The following PRKCE variants were observed in gnomAD, a reference collection of about 807,000 sequenced individuals.
PRKCE encodes the protein protein kinase C epsilon.
A neutral mutation model predicts 85.4 loss-of-function variants in PRKCE; 16 were observed. The observed-to-expected ratio is 0.19, with a 90% CI of 0.13 to 0.28. PRKCE has a LOEUF of 0.28. PRKCE is among the 10% of genes least tolerant of loss of function. PRKCE has a pLI of 1.00. For synonymous variants in PRKCE, 388 were observed against 371.5 expected (o/e 1.04, Z -0.51); for missense variants, 573 against 975.2 (o/e 0.59, Z 5.49).
intron 1 of PRKCE, among the ~76,000 whole-genome samples, chr2:45,734,497 G>T (rs1301824184): frequency 2.0e-5 from 3 of 152,242 alleles, no homozygotes; most frequent in Non-Finnish European, 4.4e-5. Context: ...TGCGTTAAGT[G>T]GTGTGAGCAT....
chr2:45,814,289 C>T (rs925701969), intron 1 of PRKCE, among the ~76,000 whole-genome samples: 1 of 152,188 alleles, frequency 6.6e-6, no homozygotes, highest in African/African-American at 2.4e-5. Context: ...TGATAAGGAG[C>T]CATTTTCCTA....
intron 1 of PRKCE, among the ~76,000 whole-genome samples, chr2:45,772,883 G>A (rs1160649495): frequency 6.6e-6 from 1 of 152,094 alleles, no homozygotes; most frequent in African/African-American, 2.4e-5. Flanking sequence ...TGCTGTACCC[G>A]TGACACCCTA....
chr2:45,766,520 G>A (rs1434751817), intron 1 of PRKCE, among the ~76,000 whole-genome samples: 1 of 152,202 alleles, frequency 6.6e-6, no homozygotes, highest in Non-Finnish European at 1.5e-5. Flanking sequence ...CGGAGACAGA[G>A]AGAGATAGTT....
chr2:46,096,380 G>C (rs1186133286), intron 11 of PRKCE, among the ~76,000 whole-genome samples: 3 of 152,182 alleles, frequency 2.0e-5, no homozygotes, highest in Non-Finnish European at 4.4e-5. Context: ...AAAGTGAATG[G>C]ACTGAATCAT....
intron 2 of PRKCE, among the ~76,000 whole-genome samples, chr2:45,854,931 G>A (rs1692558506): frequency 6.6e-6 from 1 of 152,188 alleles, no homozygotes; most frequent in South Asian, 2.1e-4. Flanking sequence ...TTTAATGTAT[G>A]GAAAAAGTCT....
At chr2:45,953,461 G>T (rs1286112081) in intron 2 of PRKCE, among the ~76,000 whole-genome samples, 1 of 152,052 alleles carries the variant, frequency 6.6e-6, no homozygotes, top group South Asian at 2.1e-4. Context: ...TCCCTGAACA[G>T]CCAGCTACCG....
At chr2:45,657,433 G>C (rs752591893) in intron 1 of PRKCE, among the ~76,000 whole-genome samples, 72 of 152,092 alleles carry the variant, frequency 4.7e-4, no homozygotes, top group Admixed American at 3.3e-4. Flanking sequence ...GTTTACTGTG[G>C]GGATTAAAAT....
chr2:46,029,336 A>G lies in PRKCE; in HGVS notation c.1437+18819A>G, dbSNP rs1228300234. On this transcript the variant is annotated intron_variant, in intron 10 of 14. Transcript: ENST00000306156. ...TCATCATTCTACAGTGCTGTCTCAG[A>G]TAATATGTTAAATTTACATGGTGGT... Among the ~76,000 whole-genome samples, 3 of 152,284 alleles carry G rather than the reference A, an allele frequency of 2.0e-5. No homozygotes were observed. In the East Asian group the frequency reaches 5.8e-4, roughly 29 times the overall value.
At position 46,185,004 on chromosome 2, in the gene PRKCE, C is replaced by A; in HGVS notation, c.*123C>A. 1 of 1,345,628 alleles carries A rather than the reference C, an allele frequency of 7.4e-7. No individual in the cohort carries two copies. 83.4% of individuals were successfully genotyped at this position (1,345,628 alleles called of 1,614,324 possible). A position where few individuals can be genotyped will look rare whatever the true frequency, so the allele number is the denominator to read the frequency against. On this transcript the variant is annotated 3_prime_UTR_variant, in exon 15 of 15. Coordinates refer to ENST00000306156, the MANE Select transcript of PRKCE (RefSeq NM_005400.3). The surrounding 1 kb of genome is among the most constrained non-coding windows in gnomAD (Gnocchi z 4.7). ...CCTCGGAGCCCCAGTCCCATGTCCA[C>A]TGTCTATTTATTGCATTCCCTTGCC...
chr2:45,862,094 G>A (rs185496109), intron 2 of PRKCE, among the ~76,000 whole-genome samples: 4 of 152,046 alleles, frequency 2.6e-5, no homozygotes, highest in African/African-American at 9.7e-5. Flanking sequence ...CATTTTTGCT[G>A]TGAGTTTATA....
chr2:46,089,550 A>G (rs1034697693), intron 11 of PRKCE, among the ~76,000 whole-genome samples: 11 of 152,146 alleles, frequency 7.2e-5, no homozygotes, highest in Admixed American at 7.2e-4. Context: ...TTCAGCCCTT[A>G]TAAGATAAAG....
At position 45,688,947 on chromosome 2, in the gene PRKCE, GTT is replaced by G. The variant is rs542600684; in HGVS notation, c.348+36500_348+36501del. Among the ~76,000 whole-genome samples the G allele has an allele frequency of 4.6e-5, 7 of 152,340 alleles. No individual in the cohort carries two copies. The South Asian group carries it at 1.4e-3, about 32-fold the overall frequency. ...TCATCCACAACATAAGAGACTTGAT[GTT>G]GGCCTTTTGGGAGCTCATGTTTCAA... is the stretch of plus-strand genomic sequence containing the variant. On this transcript the variant is annotated intron_variant, in intron 1 of 14. Coordinates refer to ENST00000306156, the MANE Select transcript of PRKCE (RefSeq NM_005400.3).
At chr2:45,666,580 C>G (rs1049351201) in intron 1 of PRKCE, among the ~76,000 whole-genome samples, 1 of 152,038 alleles carries the variant, frequency 6.6e-6, no homozygotes, top group Non-Finnish European at 1.5e-5. Context: ...CTGGGATACT[C>G]TAACCAGCCA....
intron 10 of PRKCE, among the ~76,000 whole-genome samples, chr2:46,038,597 C>G (rs1485087082): frequency 1.3e-5 from 2 of 150,072 alleles, no homozygotes; most frequent in Admixed American, 6.7e-5. Flanking sequence ...TTGTCATGGT[C>G]TTTGGTGTAG....
intron 1 of PRKCE, among the ~76,000 whole-genome samples, chr2:45,716,709 AG>A (rs1196173613): frequency 2.5e-5 from 3 of 119,474 alleles, no homozygotes; most frequent in Non-Finnish European, 5.5e-5. Flanking sequence ...GAAGGAAGGA[AG>A]GAAGGAAGGA....
At chr2:45,936,236 C>T (rs972901077) in intron 2 of PRKCE, among the ~76,000 whole-genome samples, 1 of 152,238 alleles carries the variant, frequency 6.6e-6, no homozygotes, top group South Asian at 2.1e-4. Context: ...GGGTTACTCA[C>T]TTGCCTTCCT....
chr2:45,654,669 G>A (rs1675296690), intron 1 of PRKCE, among the ~76,000 whole-genome samples: 2 of 152,180 alleles, frequency 1.3e-5, no homozygotes, highest in South Asian at 2.1e-4. Flanking sequence ...AGGTATGGCA[G>A]GTATTGGACA....
At chr2:46,084,663 A>C (rs763332922) in intron 10 of PRKCE, among the ~76,000 whole-genome samples, 1 of 149,008 alleles carries the variant, frequency 6.7e-6, no homozygotes, top group Non-Finnish European at 1.5e-5. Flanking sequence ...CAGAAGTTGC[A>C]GTGAGCTGAG....
chr2:45,778,324 T>C (rs1685918713), intron 1 of PRKCE, among the ~76,000 whole-genome samples: 1 of 152,108 alleles, frequency 6.6e-6, no homozygotes, highest in Non-Finnish European at 1.5e-5. Flanking sequence ...CAGTCTTGCT[T>C]CTCTGGAGAC....
Sources: gnomAD v4.1 joint callset for allele counts (sites outside exome capture counted in the v4.1 genomes callset) on GRCh38, gnomAD v4.1.1 for gene constraint, Gnocchi (gnomAD v3.1) non-coding constraint, MANE v1.5 for transcripts, NCBI Gene and HGNC (gene_info 2026-07-23, HGNC 2026-07-21) for gene names.